Variants in ADAMTS6 observed in about 807,000 individuals in gnomAD.
The protein encoded by ADAMTS6 is A disintegrin and metalloproteinase with thrombospondin motifs 6.
A neutral mutation model predicts 144.3 loss-of-function variants in ADAMTS6; 23 were observed. That is an observed-to-expected ratio of 0.16 (90% CI 0.11 to 0.23). The LOEUF is 0.23. Among genes scored for constraint, ADAMTS6 ranks in the 10% least tolerant of loss-of-function variants. ADAMTS6 has a pLI of 1.00. For synonymous variants in ADAMTS6, 444 were observed against 457.5 expected, an observed-to-expected ratio of 0.97 and a Z score of 0.38; for missense variants, 999 against 1,379.6, an observed-to-expected ratio of 0.72 and a Z score of 4.37.
chr5:65,327,644 T>C (rs1465423417), intron 9 of ADAMTS6, among the ~76,000 whole-genome samples: 1 of 152,186 alleles, frequency 6.6e-6, no homozygotes, highest in African/African-American at 2.4e-5. Flanking sequence ...CCATTCATTG[T>C]AGGAAGAATT....
intron 9 of ADAMTS6, among the ~76,000 whole-genome samples, chr5:65,302,797 C>A (rs1157572280): frequency 6.6e-6 from 1 of 151,976 alleles, no homozygotes; most frequent in Non-Finnish European, 1.5e-5. Context: ...ATACTATTTC[C>A]TTTTAGTGGC....
At chr5:65,352,968 A>G (rs936832940) in intron 7 of ADAMTS6, among the ~76,000 whole-genome samples, 5 of 152,028 alleles carry the variant, frequency 3.3e-5, no homozygotes, top group African/African-American at 1.2e-4. Context: ...CTCATTCACT[A>G]TTGAGCACAA....
At chr5:65,300,719 C>G (rs1328613461) in intron 9 of ADAMTS6, among the ~76,000 whole-genome samples, 1 of 151,976 alleles carries the variant, frequency 6.6e-6, no homozygotes, top group Non-Finnish European at 1.5e-5. Flanking sequence ...GCAAGCTCAG[C>G]CTCCCGGGTT....
At position 65,189,395 on chromosome 5, in the gene ADAMTS6, G is replaced by T. The variant is rs552266787; in HGVS notation, c.2706-1175C>A. Among the ~76,000 whole-genome samples the T allele has an allele frequency of 1.5e-3, 224 of 152,254 alleles. 1 individual carries two copies. The highest frequency in any genetic ancestry group is 1.5e-3 in the Non-Finnish European group (103 of 68,010). Reference sequence around the variant, plus strand: ...GACCCTTTCCTTTCTGGTCACAAAGGTGCATAAGATGATGAGTTCAGAGCT... The same window carrying T: ...GACCCTTTCCTTTCTGGTCACAAAGTTGCATAAGATGATGAGTTCAGAGCT... On this transcript the variant is annotated intron_variant, in intron 21 of 24. Transcript: ENST00000381055.
At chr5:65,289,258 C>T (rs964643478) in intron 11 of ADAMTS6, among the ~76,000 whole-genome samples, 2 of 152,088 alleles carry the variant, frequency 1.3e-5, no homozygotes, top group African/African-American at 2.4e-5. Flanking sequence ...AGGCAAGCCA[C>T]GCATGGTGGC....
chr5:65,436,131 C>T (rs868672968), intron 7 of ADAMTS6, among the ~76,000 whole-genome samples: 6 of 151,914 alleles, frequency 3.9e-5, no homozygotes, highest in Admixed American at 6.6e-5. Flanking sequence ...TGGGAGAGGC[C>T]GAAGAATTGC....
chr5:65,197,506 A>G (rs1170701453), intron 20 of ADAMTS6, among the ~76,000 whole-genome samples: 1 of 152,252 alleles, frequency 6.6e-6, no homozygotes, highest in Non-Finnish European at 1.5e-5. Context: ...AAAATGTACA[A>G]ATATGCATTT....
chr5:65,384,955 T>C (rs185392006), intron 7 of ADAMTS6, among the ~76,000 whole-genome samples: 87 of 152,324 alleles, frequency 5.7e-4, no homozygotes, highest in African/African-American at 1.4e-3. Flanking sequence ...TTCTGCATCA[T>C]AGATGATACC....
chr5:65,166,095 TAA>T (rs1561239069), intron 24 of ADAMTS6, among the ~76,000 whole-genome samples: 2 of 142,418 alleles, frequency 1.4e-5, no homozygotes, highest in African/African-American at 5.2e-5. Flanking sequence ...GCAAGTTGGA[TAA>T]AGAGTCAAGA....
chr5:65,426,077 G>A (rs1213074714), intron 7 of ADAMTS6, among the ~76,000 whole-genome samples: 1 of 137,772 alleles, frequency 7.3e-6, no homozygotes, highest in Non-Finnish European at 1.5e-5. Context: ...ACTGAGTTTC[G>A]CTCTTGTCTC....
intron 24 of ADAMTS6, among the ~76,000 whole-genome samples, chr5:65,166,101 G>T (rs1753131596): frequency 1.4e-5 from 2 of 142,036 alleles, no homozygotes; most frequent in South Asian, 4.9e-4. Flanking sequence ...TGGATAAAGA[G>T]TCAAGACCCA....
rs1198335344 is a variant in ADAMTS6, at chr5:65,169,656, A to T, written c.3244+961T>A. Among the ~76,000 whole-genome samples the T allele has an allele frequency of 3.5e-3, 528 of 150,970 alleles. 8 individuals carry two copies. Among genetic ancestry groups the T allele is most frequent in the African/African-American group, 0.01 (427 of 40,682 alleles). ...CAACCCAAATGTCCAACAATGATAGACTGGATTAAGAAAATGTGGCACATA... is the reference window on the plus strand; with the variant it reads ...CAACCCAAATGTCCAACAATGATAGTCTGGATTAAGAAAATGTGGCACATA... On this transcript the variant is annotated intron_variant, in intron 24 of 24. Coordinates refer to ENST00000381055, the MANE Select transcript of ADAMTS6 (RefSeq NM_197941.4).
At chr5:65,394,755 C>T (rs1753201907) in intron 7 of ADAMTS6, among the ~76,000 whole-genome samples, 1 of 152,090 alleles carries the variant, frequency 6.6e-6, no homozygotes, top group African/African-American at 2.4e-5. Context: ...CTTAGGTCTA[C>T]TAAAAAGAGT....
At chr5:65,202,122 T>C (rs140010902) in intron 20 of ADAMTS6, among the ~76,000 whole-genome samples, 1 of 152,214 alleles carries the variant, frequency 6.6e-6, no homozygotes, top group Non-Finnish European at 1.5e-5. Flanking sequence ...TCCACTCATA[T>C]GGTTCCTTCT....
chr5:65,209,920 A>G lies in ADAMTS6; in HGVS notation c.2575+4874T>C, dbSNP rs61110078. On this transcript the variant is annotated intron_variant, in intron 20 of 24. Transcript: ENST00000381055. Reference sequence around the variant, plus strand: ...CCTGCAGGTCTCTGTCAAGTGGCAGACAATAAATAAATAAAAAACACACAC... The same window carrying G: ...CCTGCAGGTCTCTGTCAAGTGGCAGGCAATAAATAAATAAAAAACACACAC... 1,343 of 153,502 alleles carry G rather than the reference A, an allele frequency of 8.7e-3. 18 individuals are homozygous for G. Among genetic ancestry groups the G allele is most frequent in the African/African-American group, 0.03 (1,259 of 41,588 alleles). 9.5% of individuals were successfully genotyped at this position (153,502 alleles called of 1,614,324 possible).
chr5:65,242,052 T>C (rs983269944), intron 15 of ADAMTS6, 52 bp downstream of exon 15: 27 of 1,268,620 alleles, frequency 2.1e-5, no homozygotes, highest in Non-Finnish European at 2.8e-5. Flanking sequence ...TGTATATTCT[T>C]TGATATTTGC....
intron 22 of ADAMTS6, among the ~76,000 whole-genome samples, chr5:65,176,105 T>C (rs999305698): frequency 6.9e-6 from 1 of 145,404 alleles, no homozygotes; most frequent in Admixed American, 6.7e-5. Context: ...GTTATCATCT[T>C]CGGAAAAAAA....
chr5:65,177,752 A>T (rs949690298), intron 22 of ADAMTS6, among the ~76,000 whole-genome samples: 1 of 152,254 alleles, frequency 6.6e-6, no homozygotes, highest in Non-Finnish European at 1.5e-5. Flanking sequence ...GAGTCGATCA[A>T]ATATTCCATC....
At chr5:65,368,825 C>T (rs1466177662) in intron 7 of ADAMTS6, among the ~76,000 whole-genome samples, 1 of 152,044 alleles carries the variant, frequency 6.6e-6, no homozygotes, top group Non-Finnish European at 1.5e-5. Context: ...GAGGCCGAGG[C>T]GGGTGTATTA....
Sources: allele counts gnomAD v4.1 joint callset (sites outside exome capture counted in the v4.1 genomes callset), GRCh38; gene constraint gnomAD v4.1.1; transcripts MANE v1.5; gene names NCBI Gene and HGNC (gene_info 2026-07-23, HGNC 2026-07-21).